Variants in DOT1L observed in about 807,000 individuals in gnomAD.
DOT1L encodes DOT1 like histone lysine methyltransferase.
Under a neutral mutation model 153.3 loss-of-function variants are expected in DOT1L, and 33 were observed. That is an observed-to-expected ratio of 0.22 (90% CI 0.16 to 0.29). The LOEUF (loss-of-function observed/expected upper bound fraction) is 0.29. Among genes scored for constraint, DOT1L ranks in the 10% least tolerant of loss-of-function variants. The probability of loss-of-function intolerance (pLI) is 1.00; values close to 1 mark genes in which losing one functional copy is unlikely to be tolerated. For synonymous variants in DOT1L, 1,135 were observed against 965.1 expected (o/e 1.18, Z -3.26); for missense variants, 1,847 against 2,119.9 (o/e 0.87, Z 2.53).
intron 1 of DOT1L, among the ~76,000 whole-genome samples, chr19:2,170,207 A>G (rs1426785875): frequency 6.6e-6 from 1 of 152,206 alleles, no homozygotes; most frequent in East Asian, 1.9e-4. Context: ...ATGGCTGCAA[A>G]TCACTCTTGG....
Position 2,214,616 on chromosome 19 carries a change from G to A in DOT1L, c.1923+20G>A, listed in dbSNP as rs2144856158. The stretch of plus-strand genomic sequence containing the variant: ...CTGCAGGTGGGCTGCGCGCGAGGCT[G>A]CACTCCGTGGTGTCCGAGCCTCTCC... On this transcript the variant is annotated intron_variant, in intron 19 of 27. Transcript: ENST00000398665. 1 of 1,607,432 alleles carries A rather than the reference G, an allele frequency of 6.2e-7. No homozygotes were observed. Among genetic ancestry groups the A allele is most frequent in the African/African-American group, 1.3e-5 (1 of 74,970 alleles).
At chr19:2,196,558 C>T (rs983858958) in intron 7 of DOT1L, among the ~76,000 whole-genome samples, 1 of 152,178 alleles carries the variant, frequency 6.6e-6, no homozygotes, top group Non-Finnish European at 1.5e-5. Flanking sequence ...GTCTCAAATT[C>T]CTGACCTCGT....
In DOT1L at chr19:2,207,542, G is replaced by T; in HGVS notation, c.857-32G>T. ...CTGCATGGAGGGGCTGTGGGCAGGC[G>T]CAGGCCCCGGCCTCACCTGTGGCTC... On this transcript the variant is annotated intron_variant, in intron 10 of 27. Transcript: ENST00000398665. The surrounding 1 kb of genome is among the most constrained non-coding windows in gnomAD (Gnocchi z 4.5). 4 of 1,585,124 alleles carry T rather than the reference G, an allele frequency of 2.5e-6. No individual in the cohort carries two copies. Among genetic ancestry groups the T allele is most frequent in the East Asian group, 2.2e-5 (1 of 44,670 alleles).
rs555763675 is a variant in DOT1L, at chr19:2,226,586, G to A, written c.4065G>A (p.Ser1355=). The A allele has an allele frequency of 5.0e-5, 80 of 1,599,492 alleles. 1 individual carries two copies. In the East Asian group the frequency reaches 6.3e-4, roughly 13 times the overall value. Residue 1355 remains serine, a synonymous_variant, in exon 27 of 28, where the codon TCG becomes TCA. Coordinates refer to ENST00000398665, the MANE Select transcript of DOT1L (RefSeq NM_032482.3). ...TGAGCTCCCCGCTGAGCTTCCCCTC[G>A]CAGCGCGGCAAGGAGGGCTCGGACG... The part of the protein sequence containing the change: ...AGLSSPLSFP[S]QRGKEGSDAN...
At position 2,220,444 on chromosome 19, in the gene DOT1L, C is replaced by G. The variant is rs1225346669; in HGVS notation, c.2806+222C>G. ...CCATCTCGGCCTCATACCTGGGTCT[C>G]CCGACACTGACACCTCCTGCTTGGG... is the stretch of plus-strand genomic sequence containing the variant. On this transcript the variant is annotated intron_variant, in intron 23 of 27. Coordinates refer to ENST00000398665, the MANE Select transcript of DOT1L (RefSeq NM_032482.3). The surrounding 1 kb of genome is among the most constrained non-coding windows in gnomAD (Gnocchi z 4.5). 3.0e-6 allele frequency: 2 copies of G among 657,668 alleles called. No individual in the cohort carries two copies. The highest frequency in any genetic ancestry group is 4.1e-5 in the Admixed American group (2 of 48,340). The allele number at this position is 657,668 out of a possible 1,614,324, so 40.7% of individuals were successfully genotyped here. A position where few individuals can be genotyped will look rare whatever the true frequency, so the allele number is the denominator to read the frequency against.
rs1049179219 is a variant in DOT1L at position 2,225,547 on chromosome 19, G to A, written c.3661+95G>A. 66 of 1,316,860 alleles carry A rather than the reference G, an allele frequency of 5.0e-5. No individual in the cohort carries two copies. The African/African-American group carries it at 7.7e-4, about 15-fold the overall frequency. The allele number at this position is 1,316,860 out of a possible 1,614,324, so 81.6% of individuals were successfully genotyped here. A position where few individuals can be genotyped will look rare whatever the true frequency, so the allele number is the denominator to read the frequency against. Reference sequence around the variant, plus strand: ...GACCCACCTGCTGGCCCGCTGCATCGTGTCCCGCATGGTGCTGGCCCGCTG... The same window carrying A: ...GACCCACCTGCTGGCCCGCTGCATCATGTCCCGCATGGTGCTGGCCCGCTG... On this transcript the variant is annotated intron_variant, in intron 26 of 27. Coordinates refer to ENST00000398665, the MANE Select transcript of DOT1L (RefSeq NM_032482.3).
At chr19:2,198,863 C>A (rs147574489) in intron 7 of DOT1L, among the ~76,000 whole-genome samples, 1 of 152,190 alleles carries the variant, frequency 6.6e-6, no homozygotes, top group African/African-American at 2.4e-5. Context: ...AAGGTGCATC[C>A]GCGATGTGGC....
chr19:2,204,247 G>A lies in DOT1L; in HGVS notation c.787+1468G>A, dbSNP rs773515241. Among the ~76,000 whole-genome samples, 8 of 151,874 alleles carry A rather than the reference G, an allele frequency of 5.3e-5. No individual in the cohort carries two copies. Among genetic ancestry groups the A allele is most frequent in the South Asian group, 2.1e-4 (1 of 4,810 alleles). On this transcript the variant is annotated intron_variant, in intron 9 of 27. Coordinates refer to ENST00000398665, the MANE Select transcript of DOT1L (RefSeq NM_032482.3). The surrounding 1 kb of genome is among the most constrained non-coding windows in gnomAD (Gnocchi z 5.7). ...CCTGTGTGCATGCCTGTGTGTGTGC[G>A]TGCCCGTGTGCCTCCGTGTCTATGT...
Position 2,164,120 on chromosome 19 carries a change from C to T in DOT1L, c.-65C>T. ...TCCCTCCCGCCCGCCCTCCTCCGCC[C>T]ACCGGCGGCCCCGCCCCTCCCCCAA... On this transcript the variant is annotated 5_prime_UTR_variant, in exon 1 of 28. Coordinates refer to ENST00000398665, the MANE Select transcript of DOT1L (RefSeq NM_032482.3). The T allele has an allele frequency of 1.6e-6, 1 of 624,042 alleles. No homozygotes were observed. Among genetic ancestry groups the T allele is most frequent in the Non-Finnish European group, 2.1e-6 (1 of 482,238 alleles). The allele number at this position is 624,042 out of a possible 1,614,324, so 38.7% of individuals were successfully genotyped here. A position where few individuals can be genotyped will look rare whatever the true frequency, so the allele number is the denominator to read the frequency against.
At chr19:2,169,647 C>G (rs1193276686) in intron 1 of DOT1L, among the ~76,000 whole-genome samples, 1 of 152,122 alleles carries the variant, frequency 6.6e-6, no homozygotes. Context: ...GTGTGAGCCA[C>G]CACGCCCAGC....
At chr19:2,218,547 C>A (rs1297086466) in intron 22 of DOT1L, among the ~76,000 whole-genome samples, 2 of 151,316 alleles carry the variant, frequency 1.3e-5, no homozygotes, top group Non-Finnish European at 2.9e-5. Flanking sequence ...GCGCCCGCCA[C>A]CACGCCTGGC....
At chr19:2,213,129 C>T (rs2023772074) in intron 16 of DOT1L, 2 of 181,670 alleles carry the variant, frequency 1.1e-5, no homozygotes, top group Non-Finnish European at 2.3e-5. Flanking sequence ...CTCCTGGGGT[C>T]TTCCCTTGGA....
At chr19:2,169,152 G>A (rs547011702) in intron 1 of DOT1L, among the ~76,000 whole-genome samples, 9 of 152,248 alleles carry the variant, frequency 5.9e-5, no homozygotes, top group South Asian at 4.2e-4. Flanking sequence ...CCTGGAGCCC[G>A]GCTGTGGGCG....
chr19:2,186,159 G>A (rs1243885964), intron 3 of DOT1L, among the ~76,000 whole-genome samples: 1 of 152,272 alleles, frequency 6.6e-6, no homozygotes, highest in African/African-American at 2.4e-5. Context: ...GTTGTGGAAA[G>A]TGGGATTGGC....
chr19:2,169,843 A>G (rs1424007150), intron 1 of DOT1L, among the ~76,000 whole-genome samples: 1 of 152,176 alleles, frequency 6.6e-6, no homozygotes, highest in Non-Finnish European at 1.5e-5. Flanking sequence ...TTATCTTAAA[A>G]TAAAAAGTTT....
intron 3 of DOT1L, 60 bp from the exon 4 acceptor site, chr19:2,189,672 C>G (rs2022702333): frequency 1.3e-6 from 2 of 1,583,856 alleles, no homozygotes; most frequent in Non-Finnish European, 1.7e-6. Context: ...ATGCTGTCCC[C>G]TCCCATGCAT....
At chr19:2,178,921 T>C (rs2022093060) in intron 1 of DOT1L, among the ~76,000 whole-genome samples, 1 of 152,178 alleles carries the variant, frequency 6.6e-6, no homozygotes, top group Non-Finnish European at 1.5e-5. Flanking sequence ...ACTTTCTATG[T>C]GGCTTTATTT....
At position 2,191,985 on chromosome 19, in the gene DOT1L, T is replaced by C. The variant is rs1048092952; in HGVS notation, c.493+745T>C. Among the ~76,000 whole-genome samples the C allele has an allele frequency of 6.6e-6, 1 of 152,148 alleles. No homozygotes were observed. Among genetic ancestry groups the C allele is most frequent in the Admixed American group, 6.5e-5 (1 of 15,284 alleles). On this transcript the variant is annotated intron_variant, in intron 5 of 27. Transcript: ENST00000398665. The surrounding 1 kb of genome is among the most constrained non-coding windows in gnomAD (Gnocchi z 6.8). ...CCTCAGTAGCCTGACGAATTCTTGATAGGACCACCCCATCCAGGCTGCAGG... is the reference window on the plus strand; with the variant it reads ...CCTCAGTAGCCTGACGAATTCTTGACAGGACCACCCCATCCAGGCTGCAGG...
chr19:2,232,472 A>G lies in DOT1L; in HGVS notation c.*2680A>G, dbSNP rs1390016736. ...GGTGAACTGTATTTGGATTGCGCGC[A>G]TTGTCACGGTCCGCCCCTGGGCTGC... On this transcript the variant is annotated 3_prime_UTR_variant, in exon 28 of 28. Transcript: ENST00000398665. The G allele has an allele frequency of 1.4e-5, 3 of 220,838 alleles. No homozygotes were observed. The highest frequency in any genetic ancestry group is 2.7e-5 in the Non-Finnish European group (3 of 110,506). 13.7% of individuals were successfully genotyped at this position (220,838 alleles called of 1,614,324 possible).
Sources: gnomAD v4.1 joint callset for allele counts (sites outside exome capture counted in the v4.1 genomes callset) on GRCh38, gnomAD v4.1.1 for gene constraint, Gnocchi (gnomAD v3.1) non-coding constraint, MANE v1.5 for transcripts, NCBI Gene and HGNC (gene_info 2026-07-23, HGNC 2026-07-21) for gene names.